The following PIEZO2 variants were observed in gnomAD, a reference collection of about 807,000 sequenced individuals.
The protein encoded by PIEZO2 is piezo type mechanosensitive ion channel component 2, also known as piezo-type mechanosensitive ion channel component 2.
In PIEZO2, 172 loss-of-function variants were observed where a neutral mutation model predicts 337.3. That is an observed-to-expected ratio of 0.51 (90% CI 0.45 to 0.58). PIEZO2 has a LOEUF of 0.58. Ranked by LOEUF, PIEZO2 falls within the 20% of genes least tolerant of loss-of-function variation. The pLI is 0.00. For synonymous variants in PIEZO2, 1,251 were observed against 1,228.5 expected (o/e 1.02, Z -0.38); for missense variants, 3,028 against 3,391.3 (o/e 0.89, Z 2.66).
Position 10,682,561 on chromosome 18 carries a change from C to G in PIEZO2, c.7498-269G>C, listed in dbSNP as rs1435812772. ...CAGGACTTAAGCGGCCTTCTCCCTT[C>G]AAGACTGTGGGTGGGTTTTCCTGGT... On this transcript the variant is annotated intron_variant, in intron 49 of 55. Coordinates refer to ENST00000674853, the MANE Select transcript of PIEZO2 (RefSeq NM_001378183.1). The surrounding 1 kb of genome is among the most constrained non-coding windows in gnomAD (Gnocchi z 5.6). Among the ~76,000 whole-genome samples, 2 of 152,140 alleles carry G rather than the reference C, an allele frequency of 1.3e-5. No homozygotes were observed. The highest frequency in any genetic ancestry group is 4.8e-5 in the African/African-American group (2 of 41,440).
rs1275103693 is a variant in PIEZO2, at chr18:10,862,350, A to G, written c.493-5139T>C. Among the ~76,000 whole-genome samples the G allele has an allele frequency of 6.6e-6, 1 of 152,206 alleles. No homozygotes were observed. Among genetic ancestry groups the G allele is most frequent in the African/African-American group, 2.4e-5 (1 of 41,456 alleles). On this transcript the variant is annotated intron_variant, in intron 5 of 55. Transcript: ENST00000674853. The surrounding 1 kb of genome is among the most constrained non-coding windows in gnomAD (Gnocchi z 4.4). ...GGAAACTTTAGGTGCTATGGAATCAACTTTACACAAGGCCAGCCTGTTCTC... is the reference window on the plus strand; with the variant it reads ...GGAAACTTTAGGTGCTATGGAATCAGCTTTACACAAGGCCAGCCTGTTCTC...
rs758471323 is a variant in PIEZO2 at position 10,704,684 on chromosome 18, A to AT, written c.6000-33dup. Reference sequence around the variant, plus strand: ...AAGCAAACCACATGATAATATGTCTATTTTTTTTCTTCTTTTTGAGATGGA... The same window carrying AT: ...AAGCAAACCACATGATAATATGTCTATTTTTTTTTCTTCTTTTTGAGATGGA... On this transcript the variant is annotated intron_variant, in intron 41 of 55. Coordinates refer to ENST00000674853, the MANE Select transcript of PIEZO2 (RefSeq NM_001378183.1). 59 of 1,521,276 alleles carry AT rather than the reference A, an allele frequency of 3.9e-5. 1 individual carries two copies. The highest frequency in any genetic ancestry group is 1.8e-4 in the South Asian group (15 of 82,908). The allele number at this position is 1,521,276 out of a possible 1,614,324, so 94.2% of individuals were successfully genotyped here.
At chr18:10,758,903 G>A (rs977825098) in intron 26 of PIEZO2, among the ~76,000 whole-genome samples, 1 of 152,178 alleles carries the variant, frequency 6.6e-6, no homozygotes, top group Admixed American at 6.5e-5. Context: ...AACACAAGCT[G>A]CTTCCTTGCT....
Position 11,081,000 on chromosome 18 carries a change from A to T in PIEZO2, c.65-14778T>A, listed in dbSNP as rs1486484065. Among the ~76,000 whole-genome samples the T allele has an allele frequency of 2.0e-5, 3 of 152,248 alleles. No individual in the cohort carries two copies. The highest frequency in any genetic ancestry group is 7.2e-5 in the African/African-American group (3 of 41,470). On this transcript the variant is annotated intron_variant, in intron 1 of 55. Coordinates refer to ENST00000674853, the MANE Select transcript of PIEZO2 (RefSeq NM_001378183.1). The surrounding 1 kb of genome is among the most constrained non-coding windows in gnomAD (Gnocchi z 5.4). ...ACATAATGACATGGCTACAATAACA[A>T]TATTAAAAAGGAATTTGATGAAAGT... is the stretch of plus-strand genomic sequence containing the variant.
At chr18:10,827,421 T>G (rs1008078573) in intron 7 of PIEZO2, among the ~76,000 whole-genome samples, 1 of 152,160 alleles carries the variant, frequency 6.6e-6, no homozygotes, top group Non-Finnish European at 1.5e-5. Flanking sequence ...TAACACTTTT[T>G]AAATCATACA....
rs182735942 is a variant in PIEZO2 at position 10,839,346 on chromosome 18, T to G, written c.917+16007A>C. ...TTAATTTGTCCTTTTATTCAGCAAGTATTTGCTGTGTCCTCTGTGTTGGGT... is the reference window on the plus strand; with the variant it reads ...TTAATTTGTCCTTTTATTCAGCAAGGATTTGCTGTGTCCTCTGTGTTGGGT... On this transcript the variant is annotated intron_variant, in intron 7 of 55. Coordinates refer to ENST00000674853, the MANE Select transcript of PIEZO2 (RefSeq NM_001378183.1). Among the ~76,000 whole-genome samples, 266 of 152,330 alleles carry G rather than the reference T, an allele frequency of 1.7e-3. 1 individual carries two copies. Among genetic ancestry groups the G allele is most frequent in the African/African-American group, 6.1e-3 (253 of 41,574 alleles).
rs75649909 is a variant in PIEZO2, at chr18:11,127,199, C to G, written c.64+21326G>C. On this transcript the variant is annotated intron_variant, in intron 1 of 55. Transcript: ENST00000674853. This position sits in a 1 kb window ranked among gnomAD's most constrained non-coding sequence, Gnocchi z 4.5. Reference sequence around the variant, plus strand: ...ACCAGGATCAGGTGTTTGAGGGGTGCGGAAAGAGGTCCCTGAGGAGGTGAC... The same window carrying G: ...ACCAGGATCAGGTGTTTGAGGGGTGGGGAAAGAGGTCCCTGAGGAGGTGAC... Among the ~76,000 whole-genome samples, 1 of 151,928 alleles carries G rather than the reference C, an allele frequency of 6.6e-6. No individual in the cohort carries two copies. The highest frequency in any genetic ancestry group is 6.6e-5 in the Admixed American group (1 of 15,264).
At chr18:10,968,788 GT>G (rs1211657227) in intron 3 of PIEZO2, among the ~76,000 whole-genome samples, 2 of 152,120 alleles carry the variant, frequency 1.3e-5, no homozygotes, top group African/African-American at 2.4e-5. Context: ...TAATATTAAT[GT>G]TTTTTATGCT....
intron 7 of PIEZO2, among the ~76,000 whole-genome samples, chr18:10,820,290 TA>T (rs1337882497): frequency 6.6e-6 from 1 of 152,078 alleles, no homozygotes; most frequent in Non-Finnish European, 1.5e-5. Context: ...TCTCCAGTTA[TA>T]CTTCTGTTAG....
In PIEZO2 at chr18:10,800,373, G is replaced by C; in HGVS notation, c.1342C>G (p.Pro448Ala). The change falls in exon 11 of 56, where the codon CCT becomes GCT. Residue 448 changes from proline to alanine, a missense_variant. Around this residue, in one of 5 missense-constraint regions of PIEZO2, gnomAD observed 542 missense variants for 605.6 expected, o/e 0.89. Transcript: ENST00000674853. ...GPGKADLYST[P>A]QYRWEPSDES... ...TCAGAGGGCTCCCACCGGTACTGAG[G>C]GGTGGAGTAGAGGTCGGCTTTGCCA... The C allele has an allele frequency of 6.5e-7, 1 of 1,536,558 alleles. No individual in the cohort carries two copies. The highest frequency in any genetic ancestry group is 1.2e-5 in the South Asian group (1 of 83,856).
chr18:11,020,648 C>T (rs1047085448), intron 2 of PIEZO2, among the ~76,000 whole-genome samples: 15 of 152,152 alleles, frequency 9.9e-5, no homozygotes, highest in African/African-American at 3.6e-4. Context: ...TTACATGCCA[C>T]TAGCCTTTTG....
intron 30 of PIEZO2, among the ~76,000 whole-genome samples, chr18:10,745,251 G>A (rs980270980): frequency 2.0e-5 from 3 of 152,102 alleles, no homozygotes; most frequent in East Asian, 1.9e-4. Context: ...TGGGGGACAC[G>A]AAATTCCTGC....
At chr18:10,753,569 A>C (rs924589808) in intron 27 of PIEZO2, among the ~76,000 whole-genome samples, 1 of 152,158 alleles carries the variant, frequency 6.6e-6, no homozygotes, top group African/African-American at 2.4e-5. Context: ...CCAAGTCCCA[A>C]CTGCATTTCT....
intron 49 of PIEZO2, among the ~76,000 whole-genome samples, chr18:10,687,086 C>T (rs974334058): frequency 6.6e-6 from 1 of 152,156 alleles, no homozygotes; most frequent in South Asian, 2.1e-4. Context: ...AAGCATCTGT[C>T]ATATATATTG....
intron 54 of PIEZO2, among the ~76,000 whole-genome samples, chr18:10,674,386 C>T (rs145210764): frequency 2.6e-5 from 4 of 152,384 alleles, no homozygotes; most frequent in African/African-American, 9.6e-5. Context: ...CTTAATGCGT[C>T]TTGCAAATAC....
intron 1 of PIEZO2, among the ~76,000 whole-genome samples, chr18:11,114,859 C>T (rs903389569): frequency 6.6e-6 from 1 of 152,010 alleles, no homozygotes; most frequent in Non-Finnish European, 1.5e-5. Flanking sequence ...GCTCACTGGC[C>T]GTTTCTGAAT....
intron 3 of PIEZO2, among the ~76,000 whole-genome samples, chr18:10,977,203 T>C (rs1195092919): frequency 1.3e-5 from 2 of 152,044 alleles, no homozygotes; most frequent in African/African-American, 2.4e-5. Flanking sequence ...ACTTAGACTC[T>C]TGTGAGTCAG....
chr18:10,817,567 C>T (rs2040397920), intron 7 of PIEZO2, among the ~76,000 whole-genome samples: 1 of 152,096 alleles, frequency 6.6e-6, no homozygotes, highest in Non-Finnish European at 1.5e-5. Flanking sequence ...AAAGTTCTTC[C>T]GTGGCCTCAT....
Position 10,748,605 on chromosome 18 carries a change from A to T in PIEZO2, c.4290T>A (p.Leu1430=), listed in dbSNP as rs8096037. ...QMPAANSPCT[L]PSGEAGIIWD... ...AAATGATTCCTGCTTCCCCACTGGGAAGTGTACAGGGTGAATTAGCAGCAG... is the reference window on the plus strand; with the variant it reads ...AAATGATTCCTGCTTCCCCACTGGGTAGTGTACAGGGTGAATTAGCAGCAG... Residue 1430 remains leucine, a synonymous_variant, in exon 30 of 56, where the codon CTT becomes CTA. Coordinates refer to ENST00000674853, the MANE Select transcript of PIEZO2 (RefSeq NM_001378183.1). This position sits in a 1 kb window ranked among gnomAD's most constrained non-coding sequence, Gnocchi z 5.1. The T allele has an allele frequency of 0.56, 848,280 of 1,524,030 alleles. 242,407 individuals are homozygous for T. Among genetic ancestry groups the T allele is most frequent in the African/African-American group, 0.9 (65,192 of 72,666 alleles). The allele number at this position is 1,524,030 out of a possible 1,614,324, so 94.4% of individuals were successfully genotyped here.
Sources: gnomAD v4.1 joint callset for allele counts (sites outside exome capture counted in the v4.1 genomes callset) on GRCh38, gnomAD v4.1.1 for gene constraint, gnomAD v4.1.1 regional missense constraint, Gnocchi (gnomAD v3.1) non-coding constraint, MANE v1.5 for transcripts, NCBI Gene and HGNC (gene_info 2026-07-23, HGNC 2026-07-21) for gene names.